The following NRG3 variants were observed in gnomAD, a reference collection of about 807,000 sequenced individuals.
NRG3 encodes pro-neuregulin-3, membrane-bound isoform.
NRG3 carries 31 observed loss-of-function variants against 66.9 expected under a neutral mutation model. That is an observed-to-expected ratio of 0.46 (90% confidence interval 0.35 to 0.63). The LOEUF is 0.63. NRG3 is among the 20% of genes least tolerant of loss of function. The probability of loss-of-function intolerance (pLI) is 0.00; values close to 1 mark genes in which losing one functional copy is unlikely to be tolerated. For missense variants in NRG3, 910 were observed against 878.9 expected, an observed-to-expected ratio of 1.04 and a Z score of -0.45; for synonymous variants, 393 against 359.4, an observed-to-expected ratio of 1.09 and a Z score of -1.06.
At chr10:82,214,088 T>C (rs921228476) in intron 1 of NRG3, among the ~76,000 whole-genome samples, 8 of 152,190 alleles carry the variant, frequency 5.3e-5, no homozygotes, top group Non-Finnish European at 1.5e-5. Flanking sequence ...AAAGTGTTTT[T>C]TTAAAAGAAA....
intron 3 of NRG3, among the ~76,000 whole-genome samples, chr10:82,784,953 C>A (rs1482930685): frequency 6.6e-6 from 1 of 152,142 alleles, no homozygotes; most frequent in African/African-American, 2.4e-5. Flanking sequence ...TTGGAACCAA[C>A]CCAAATGTCC....
At chr10:82,176,379 G>T (rs914620426) in intron 1 of NRG3, among the ~76,000 whole-genome samples, 9 of 152,120 alleles carry the variant, frequency 5.9e-5, no homozygotes, top group Admixed American at 1.3e-4. Context: ...ATTTCTGACT[G>T]AAGTGATTGG....
At chr10:82,089,184 A>G (rs1038119760) in intron 1 of NRG3, among the ~76,000 whole-genome samples, 1 of 152,180 alleles carries the variant, frequency 6.6e-6, no homozygotes, top group South Asian at 2.1e-4. Flanking sequence ...AAAGATTGCC[A>G]TATTACTGCA....
rs193261434 is a variant in NRG3 at position 81,964,988 on chromosome 10, A to G, written c.823+88825A>G. ...AATTATTTTATTCTTGGGCCCAAACATATTAAAATGTAACATTTACCCATT... is the reference window on the plus strand; with the variant it reads ...AATTATTTTATTCTTGGGCCCAAACGTATTAAAATGTAACATTTACCCATT... On this transcript the variant is annotated intron_variant, in intron 1 of 8. Coordinates refer to ENST00000372141, the MANE Select transcript of NRG3 (RefSeq NM_001010848.4). 2.0e-5 allele frequency among the ~76,000 whole-genome samples: 3 copies of G among 152,352 alleles called. 1 individual carries two copies. Among genetic ancestry groups the G allele is most frequent in the Admixed American group, 2.0e-4 (3 of 15,306 alleles).
chr10:82,433,722 T>G (rs965951120), intron 2 of NRG3, among the ~76,000 whole-genome samples: 8 of 152,342 alleles, frequency 5.3e-5, no homozygotes, highest in African/African-American at 1.9e-4. Flanking sequence ...TCCCCATTGC[T>G]GGTTTTTGTC....
At chr10:82,740,418 C>A (rs1171570498) in intron 3 of NRG3, among the ~76,000 whole-genome samples, 1 of 152,104 alleles carries the variant, frequency 6.6e-6, no homozygotes, top group Non-Finnish European at 1.5e-5. Context: ...TTCATCACTG[C>A]AAGAGTGGAG....
chr10:82,338,987 C>T (rs552983666), intron 1 of NRG3, among the ~76,000 whole-genome samples: 4 of 152,098 alleles, frequency 2.6e-5, no homozygotes, highest in African/African-American at 4.8e-5. Context: ...TAAGATGACA[C>T]CAACACTGCC....
rs560365237 is a variant in NRG3, at chr10:82,926,299, G to A, written c.1055-25170G>A. Among the ~76,000 whole-genome samples the A allele has an allele frequency of 5.9e-5, 9 of 152,258 alleles. No individual in the cohort carries two copies. In the South Asian group the frequency reaches 1.9e-3, roughly 32 times the overall value. On this transcript the variant is annotated intron_variant, in intron 4 of 8. Transcript: ENST00000372141. ...CTATAGGCAAATAACACACCTTGTT[G>A]TATAAGAGACTTTAGTAGCCTTCAA...
intron 2 of NRG3, among the ~76,000 whole-genome samples, chr10:82,462,511 G>A (rs1332307357): frequency 1.3e-5 from 2 of 152,134 alleles, no homozygotes; most frequent in Admixed American, 1.3e-4. Context: ...GTAATTTTGG[G>A]ATGTAATTTT....
At chr10:82,199,653 C>G (rs2074665019) in intron 1 of NRG3, among the ~76,000 whole-genome samples, 1 of 152,074 alleles carries the variant, frequency 6.6e-6, no homozygotes. Context: ...TATGGTGACA[C>G]AATAAAGATA....
chr10:82,236,709 ACT>A (rs1491366446), intron 1 of NRG3, among the ~76,000 whole-genome samples: 1 of 113,098 alleles, frequency 8.8e-6, no homozygotes, highest in African/African-American at 3.1e-5. Flanking sequence ...GAAAACTAGA[ACT>A]TTTTTTTTTT....
chr10:82,470,532 A>T (rs1841150078), intron 2 of NRG3, among the ~76,000 whole-genome samples: 1 of 152,244 alleles, frequency 6.6e-6, no homozygotes, highest in East Asian at 1.9e-4. Flanking sequence ...AAGACTGGAA[A>T]GATTCTGCAC....
At chr10:82,445,910 T>C (rs1185984153) in intron 2 of NRG3, among the ~76,000 whole-genome samples, 3 of 152,240 alleles carry the variant, frequency 2.0e-5, no homozygotes, top group African/African-American at 4.8e-5. Context: ...GCTACTTTAC[T>C]ATCTGGCCTC....
intron 1 of NRG3, among the ~76,000 whole-genome samples, chr10:82,191,883 C>T (rs1384335102): frequency 1.3e-5 from 2 of 152,146 alleles, no homozygotes; most frequent in Non-Finnish European, 2.9e-5. Context: ...TTCTTATGCC[C>T]TGGGATTTGT....
chr10:81,994,140 G>T (rs11591834), intron 1 of NRG3, among the ~76,000 whole-genome samples: 27,196 of 152,032 alleles, frequency 0.18, 3,109 homozygotes, highest in East Asian at 0.42. Context: ...ATTCCTCTCA[G>T]TAGTGTATGA....
intron 1 of NRG3, among the ~76,000 whole-genome samples, chr10:82,100,282 C>T (rs953055173): frequency 2.0e-5 from 3 of 151,798 alleles, no homozygotes; most frequent in Non-Finnish European, 4.4e-5. Context: ...TTTGTGGATG[C>T]CTTTGAACTT....
intron 1 of NRG3, among the ~76,000 whole-genome samples, chr10:82,342,363 T>A: frequency 6.6e-6 from 1 of 152,072 alleles, no homozygotes; most frequent in East Asian, 1.9e-4. Context: ...CCATAAAGGT[T>A]GTAGCAATTT....
intron 3 of NRG3, among the ~76,000 whole-genome samples, chr10:82,801,628 T>C (rs891570667): frequency 6.6e-6 from 1 of 152,162 alleles, no homozygotes; most frequent in African/African-American, 2.4e-5. Context: ...TTTGCCAGGC[T>C]ACAGAATGGC....
intron 1 of NRG3, among the ~76,000 whole-genome samples, chr10:82,339,065 G>T (rs1236592143): frequency 6.6e-6 from 1 of 152,030 alleles, no homozygotes; most frequent in African/African-American, 2.4e-5. Flanking sequence ...TGATGTATTG[G>T]GTACTTTATG....
Sources: allele counts gnomAD v4.1 joint callset (sites outside exome capture counted in the v4.1 genomes callset), GRCh38; gene constraint gnomAD v4.1.1; transcripts MANE v1.5; gene names NCBI Gene and HGNC (gene_info 2026-07-23, HGNC 2026-07-21).